The following MLLT3 variants were observed in gnomAD, a reference collection of about 807,000 sequenced individuals.
MLLT3 encodes MLLT3 super elongation complex subunit.
Under a neutral mutation model 53.2 loss-of-function variants are expected in MLLT3, and 4 were observed. The ratio of observed to expected loss-of-function variants is 0.08; its 90% CI spans 0.04 to 0.17. The LOEUF is 0.17. MLLT3 is among the 10% of genes least tolerant of loss of function. The pLI is 1.00. For missense variants in MLLT3, 569 were observed against 684.0 expected (o/e 0.83, Z 1.87); for synonymous variants, 283 against 230.6 (o/e 1.23, Z -2.06).
chr9:20,463,243 A>C (rs1824155037), intron 2 of MLLT3, among the ~76,000 whole-genome samples: 1 of 150,740 alleles, frequency 6.6e-6, no homozygotes, highest in Non-Finnish European at 1.5e-5. Flanking sequence ...ATGTTTACTT[A>C]TGTATTCAGT....
chr9:20,405,056 T>C (rs1822547255), intron 5 of MLLT3, among the ~76,000 whole-genome samples: 1 of 152,148 alleles, frequency 6.6e-6, no homozygotes, highest in African/African-American at 2.4e-5. Context: ...ATCAATACAA[T>C]AGGTTGGAGC....
At chr9:20,418,765 C>T (rs1347395054) in intron 4 of MLLT3, among the ~76,000 whole-genome samples, 3 of 152,044 alleles carry the variant, frequency 2.0e-5, no homozygotes, top group African/African-American at 4.8e-5. Context: ...GACAGGTGCA[C>T]GTGCCACCAT....
chr9:20,464,022 C>T (rs963221261), intron 2 of MLLT3, among the ~76,000 whole-genome samples: 1 of 151,660 alleles, frequency 6.6e-6, no homozygotes, highest in African/African-American at 2.4e-5. Context: ...TATAAAAAAC[C>T]ATTGAAGAGT....
intron 2 of MLLT3, among the ~76,000 whole-genome samples, chr9:20,547,682 G>C (rs556061376): frequency 6.6e-6 from 1 of 150,866 alleles, no homozygotes; most frequent in Non-Finnish European, 1.5e-5. Context: ...ACTGGACAGT[G>C]GCTCACGCCT....
intron 10 of MLLT3, among the ~76,000 whole-genome samples, chr9:20,350,083 C>T (rs145314919): frequency 3.3e-5 from 5 of 152,300 alleles, no homozygotes; most frequent in East Asian, 1.9e-4. Context: ...ATAGTTAGAA[C>T]GTCAGAAACA....
At position 20,620,612 on chromosome 9, in the gene MLLT3, A is replaced by T. The variant is rs747438475; in HGVS notation, c.193+42T>A. 2 of 1,581,770 alleles carry T rather than the reference A, an allele frequency of 1.3e-6. No homozygotes were observed. The highest frequency in any genetic ancestry group is 1.7e-6 in the Non-Finnish European group (2 of 1,157,370). ...ACCGCCCGGGCCAAGCGATTGTTTCAAAGACATTTTTTATCAAGACCCTTT... is the reference window on the plus strand; with the variant it reads ...ACCGCCCGGGCCAAGCGATTGTTTCTAAGACATTTTTTATCAAGACCCTTT... On this transcript the variant is annotated intron_variant, in intron 2 of 10. Coordinates refer to ENST00000380338, the MANE Select transcript of MLLT3 (RefSeq NM_004529.4). This position sits in a 1 kb window ranked among gnomAD's most constrained non-coding sequence, Gnocchi z 6.1.
At chr9:20,365,426 G>A (rs1325155409) in intron 6 of MLLT3, among the ~76,000 whole-genome samples, 3 of 151,918 alleles carry the variant, frequency 2.0e-5, no homozygotes, top group South Asian at 2.1e-4. Context: ...TGCAACTTCC[G>A]CCCCAGGTCC....
chr9:20,605,545 A>C (rs1820541674), intron 2 of MLLT3, among the ~76,000 whole-genome samples: 1 of 152,068 alleles, frequency 6.6e-6, no homozygotes, highest in Non-Finnish European at 1.5e-5. Context: ...TTATGTGGGA[A>C]TAGATATGAC....
intron 2 of MLLT3, among the ~76,000 whole-genome samples, chr9:20,541,207 A>C (rs757756818): frequency 6.6e-6 from 1 of 152,166 alleles, no homozygotes; most frequent in Non-Finnish European, 1.5e-5. Flanking sequence ...AAACCATACA[A>C]TAAGTCTTGA....
At chr9:20,352,781 TA>T (rs568782579) in intron 10 of MLLT3, among the ~76,000 whole-genome samples, 115 of 133,336 alleles carry the variant, frequency 8.6e-4, no homozygotes, top group Middle Eastern at 3.8e-3. Context: ...TTGAAAGTAG[TA>T]AAAAAAAAAA....
intron 6 of MLLT3, among the ~76,000 whole-genome samples, chr9:20,363,973 T>C (rs1420707242): frequency 6.6e-6 from 1 of 152,256 alleles, no homozygotes; most frequent in Non-Finnish European, 1.5e-5. Context: ...TAAATCACTG[T>C]GGTTGTAACT....
chr9:20,422,528 C>T (rs552103263), intron 4 of MLLT3, among the ~76,000 whole-genome samples: 6 of 152,212 alleles, frequency 3.9e-5, no homozygotes, highest in South Asian at 4.1e-4. Context: ...GCACTAATGA[C>T]GAAAGATACA....
chr9:20,466,200 T>G (rs1824234454), intron 2 of MLLT3, among the ~76,000 whole-genome samples: 2 of 152,170 alleles, frequency 1.3e-5, no homozygotes, highest in Admixed American at 1.3e-4. Context: ...TTGCCTATAC[T>G]TAAGGTTCAG....
intron 2 of MLLT3, among the ~76,000 whole-genome samples, chr9:20,470,042 AAG>A (rs1423183618): frequency 6.6e-6 from 1 of 152,028 alleles, no homozygotes; most frequent in Non-Finnish European, 1.5e-5. Context: ...ATAAAAAGAA[AAG>A]AAATTTTATG....
At chr9:20,545,608 A>G (rs1416481198) in intron 2 of MLLT3, among the ~76,000 whole-genome samples, 3 of 152,204 alleles carry the variant, frequency 2.0e-5, no homozygotes, top group Admixed American at 6.5e-5. Context: ...ACACAGGAAT[A>G]TATTACCTAT....
chr9:20,558,639 G>T (rs761557319), intron 2 of MLLT3, among the ~76,000 whole-genome samples: 1 of 152,170 alleles, frequency 6.6e-6, no homozygotes, highest in Non-Finnish European at 1.5e-5. Flanking sequence ...TGGACCCCTA[G>T]AGAGGCTGAC....
intron 2 of MLLT3, among the ~76,000 whole-genome samples, chr9:20,558,194 A>C (rs925416930): frequency 2.0e-5 from 3 of 152,234 alleles, no homozygotes; most frequent in African/African-American, 7.2e-5. Context: ...TACAACAACC[A>C]TCCCCAAAAT....
chr9:20,486,942 T>G (rs558940206), intron 2 of MLLT3, among the ~76,000 whole-genome samples: 60 of 152,138 alleles, frequency 3.9e-4, no homozygotes, highest in Non-Finnish European at 5.9e-4. Context: ...AAACCCACAC[T>G]CATGACATTT....
rs185507962 is a variant in MLLT3, at chr9:20,344,526, C to A, written c.*1917G>T. 7.8e-5 allele frequency: 17 copies of A among 219,084 alleles called. No homozygotes were observed. The highest frequency in any genetic ancestry group is 1.4e-3 in the Middle Eastern group (1 of 706). The allele number at this position is 219,084 out of a possible 1,614,324, so 13.6% of individuals were successfully genotyped here. A position where few individuals can be genotyped will look rare whatever the true frequency, so the allele number is the denominator to read the frequency against. On this transcript the variant is annotated 3_prime_UTR_variant, in exon 11 of 11. Transcript: ENST00000380338. The stretch of plus-strand genomic sequence containing the variant: ...AATGACTCAAAGTTTCTCTGCACAT[C>A]AAGAAGTGGACAATACAACAAATGC...
Sources: gnomAD v4.1 joint callset for allele counts (sites outside exome capture counted in the v4.1 genomes callset) on GRCh38, gnomAD v4.1.1 for gene constraint, Gnocchi (gnomAD v3.1) non-coding constraint, MANE v1.5 for transcripts, NCBI Gene and HGNC (gene_info 2026-07-23, HGNC 2026-07-21) for gene names.